Variants in ARHGEF26 observed in about 807,000 individuals in gnomAD.
The protein encoded by ARHGEF26 is Rho guanine nucleotide exchange factor (GEF) 26.
Under a neutral mutation model 89.4 loss-of-function variants are expected in ARHGEF26, and 59 were observed. The ratio of observed to expected loss-of-function variants is 0.66; its 90% CI spans 0.54 to 0.82. The LOEUF (loss-of-function observed/expected upper bound fraction) is 0.82, where lower values mean the gene tolerates loss of function less well. ARHGEF26 is among the 40% of genes least tolerant of loss of function. The pLI, the probability that ARHGEF26 is intolerant of heterozygous loss-of-function variation, is 0.00. For missense variants in ARHGEF26, 1,234 were observed against 1,085.6 expected, an observed-to-expected ratio of 1.14 and a Z score of -1.92; for synonymous variants, 500 against 428.4, an observed-to-expected ratio of 1.17 and a Z score of -2.06.
intron 4 of ARHGEF26, among the ~76,000 whole-genome samples, chr3:154,130,345 TGGCCA>T (rs1718611728): frequency 6.6e-6 from 1 of 152,190 alleles, no homozygotes; most frequent in South Asian, 2.1e-4. Context: ...TTCACCGTAT[TGGCCA>T]GGCTGGTCTT....
At chr3:154,233,233 TG>T (rs1716920688) in intron 11 of ARHGEF26, among the ~76,000 whole-genome samples, 1 of 152,100 alleles carries the variant, frequency 6.6e-6, no homozygotes, top group African/African-American at 2.4e-5. Flanking sequence ...ACTAAAAACA[TG>T]TTAGTAGTAT....
intron 6 of ARHGEF26, among the ~76,000 whole-genome samples, chr3:154,170,468 A>G (rs1712357819): frequency 6.6e-6 from 1 of 152,234 alleles, no homozygotes; most frequent in Admixed American, 6.5e-5. Flanking sequence ...AAACATCATA[A>G]CAATTGAGAC....
At chr3:154,172,045 C>G (rs1712478178) in intron 6 of ARHGEF26, among the ~76,000 whole-genome samples, 1 of 152,136 alleles carries the variant, frequency 6.6e-6, no homozygotes, top group Non-Finnish European at 1.5e-5. Flanking sequence ...TTGTGGCATT[C>G]TTTTGAGGAT....
intron 6 of ARHGEF26, among the ~76,000 whole-genome samples, chr3:154,163,058 G>T (rs2108121320): frequency 6.6e-6 from 1 of 152,118 alleles, no homozygotes; most frequent in East Asian, 1.9e-4. Flanking sequence ...ACCAAAAATT[G>T]GGTAAATAAT....
Position 154,247,107 on chromosome 3 carries a change from T to C in ARHGEF26, c.2301-6009T>C, listed in dbSNP as rs548630865. Among the ~76,000 whole-genome samples, 4 of 152,322 alleles carry C rather than the reference T, an allele frequency of 2.6e-5. No individual in the cohort carries two copies. In the South Asian group the frequency reaches 8.3e-4, roughly 32 times the overall value. On this transcript the variant is annotated intron_variant, in intron 12 of 14. Coordinates refer to ENST00000465093, the MANE Select transcript of ARHGEF26 (RefSeq NM_015595.4). ...TAGTTTTATTGACCATCCAGCTCTTTCATGCTAACCCTTTTTTTGAGATTA... is the reference window on the plus strand; with the variant it reads ...TAGTTTTATTGACCATCCAGCTCTTCCATGCTAACCCTTTTTTTGAGATTA...
rs143919496 is a variant in ARHGEF26, at chr3:154,152,768, C to G, written c.1327-4C>G. Reference sequence around the variant, plus strand: ...ATAATACATTTCTTTTTCCTTCTTACCAGGCTATCTTTGAAGTCATATCCT... The same window carrying G: ...ATAATACATTTCTTTTTCCTTCTTAGCAGGCTATCTTTGAAGTCATATCCT... On this transcript the variant is annotated splice_region_variant and splice_polypyrimidine_tract_variant and intron_variant, in intron 5 of 14. Coordinates refer to ENST00000465093, the MANE Select transcript of ARHGEF26 (RefSeq NM_015595.4). 4 of 1,465,006 alleles carry G rather than the reference C, an allele frequency of 2.7e-6. No homozygotes were observed. The highest frequency in any genetic ancestry group is 3.6e-6 in the Non-Finnish European group (4 of 1,107,262). The allele number at this position is 1,465,006 out of a possible 1,614,324, so 90.8% of individuals were successfully genotyped here. A position where few individuals can be genotyped will look rare whatever the true frequency, so the allele number is the denominator to read the frequency against.
At chr3:154,139,528 T>G (rs938463779) in intron 4 of ARHGEF26, among the ~76,000 whole-genome samples, 5 of 152,176 alleles carry the variant, frequency 3.3e-5, no homozygotes, top group Non-Finnish European at 7.3e-5. Context: ...AAAGGCTTTT[T>G]CATACTGACT....
intron 12 of ARHGEF26, among the ~76,000 whole-genome samples, chr3:154,247,901 G>A (rs973332574): frequency 2.0e-5 from 3 of 152,136 alleles, no homozygotes; most frequent in African/African-American, 7.2e-5. Flanking sequence ...CTTTATAAAA[G>A]GACAAAGGAA....
rs953150861 is a variant in ARHGEF26 at position 154,184,098 on chromosome 3, G to A, written c.1488-3587G>A. 4.6e-5 allele frequency among the ~76,000 whole-genome samples: 7 copies of A among 151,228 alleles called. No homozygotes were observed. The East Asian group carries it at 5.9e-4, about 13-fold the overall frequency. ...CGCCATTCTCCTGCCGCAGCCTCCC[G>A]AGTAGCTGGGACTACAGGCGTCTGC... On this transcript the variant is annotated intron_variant, in intron 6 of 14. Transcript: ENST00000465093.
intron 13 of ARHGEF26, 118 bp from the exon 14 acceptor site, chr3:154,254,602 C>A (rs1200570068): frequency 8.2e-6 from 6 of 732,844 alleles, no homozygotes; most frequent in Non-Finnish European, 1.4e-5. Flanking sequence ...AGAAGCCCAA[C>A]TTGTTTCTCT....
chr3:154,231,109 G>C (rs1024174476), intron 11 of ARHGEF26, among the ~76,000 whole-genome samples: 1 of 152,186 alleles, frequency 6.6e-6, no homozygotes, highest in Non-Finnish European at 1.5e-5. Context: ...ATGATTGCAA[G>C]CTCCTTTGTT....
chr3:154,175,109 A>T (rs1712719338), intron 6 of ARHGEF26, among the ~76,000 whole-genome samples: 1 of 152,192 alleles, frequency 6.6e-6, no homozygotes, highest in South Asian at 2.1e-4. Flanking sequence ...ATAAGACTAG[A>T]GGGTAAAGTT....
chr3:154,254,902 A>G (rs1718395072), intron 14 of ARHGEF26, 78 bp downstream of exon 14: 2 of 1,138,028 alleles, frequency 1.8e-6, no homozygotes, highest in Middle Eastern at 2.8e-4. Flanking sequence ...TCATTTTGTC[A>G]TCATTGCCCA....
Position 154,192,805 on chromosome 3 carries a change from T to C in ARHGEF26, c.1770+1387T>C, listed in dbSNP as rs140194565. ...GACTTTTGAATTTTCAGGGTTTTCT[T>C]CTTCTGAAAATGCATTTTATTCCTC... is the stretch of plus-strand genomic sequence containing the variant. On this transcript the variant is annotated intron_variant, in intron 8 of 14. Transcript: ENST00000465093. Among the ~76,000 whole-genome samples the C allele has an allele frequency of 7.5e-4, 115 of 152,322 alleles. 1 individual carries two copies. Among genetic ancestry groups the C allele is most frequent in the African/African-American group, 2.5e-3 (106 of 41,582 alleles).
chr3:154,232,011 TGGTAC>T (rs1224736581), intron 11 of ARHGEF26, among the ~76,000 whole-genome samples: 4 of 152,072 alleles, frequency 2.6e-5, no homozygotes, highest in African/African-American at 9.7e-5. Context: ...GTCAGTAGTG[TGGTAC>T]TCCTGAATTG....
At chr3:154,252,419 TAAAAAA>T (rs1718214450) in intron 12 of ARHGEF26, among the ~76,000 whole-genome samples, 1 of 152,192 alleles carries the variant, frequency 6.6e-6, no homozygotes, top group African/African-American at 2.4e-5. Context: ...GTGCTCAAAA[TAAAAAA>T]CCAGGGTGAC....
At chr3:154,167,707 C>A (rs1712133636) in intron 6 of ARHGEF26, among the ~76,000 whole-genome samples, 2 of 152,242 alleles carry the variant, frequency 1.3e-5, no homozygotes, top group South Asian at 4.1e-4. Flanking sequence ...GTGCAAAATA[C>A]GAAACATATT....
intron 10 of ARHGEF26, 52 bp downstream of exon 10, chr3:154,218,010 A>C (rs761106709): frequency 2.5e-5 from 37 of 1,464,394 alleles, no homozygotes; most frequent in Non-Finnish European, 3.3e-5. Context: ...TTCTCTAAAT[A>C]GAGAGAGACA....
chr3:154,182,968 G>A (rs1559882975), intron 6 of ARHGEF26, among the ~76,000 whole-genome samples: 1 of 152,148 alleles, frequency 6.6e-6, no homozygotes, highest in Admixed American at 6.5e-5. Context: ...TTTAAAAAAC[G>A]TTAGAAGAAA....
Sources: gnomAD v4.1 joint callset for allele counts (sites outside exome capture counted in the v4.1 genomes callset) on GRCh38, gnomAD v4.1.1 for gene constraint, MANE v1.5 for transcripts, NCBI Gene and HGNC (gene_info 2026-07-23, HGNC 2026-07-21) for gene names.